The following NCOA2 variants were observed in gnomAD, a reference collection of about 807,000 sequenced individuals.
NCOA2 encodes the protein nuclear receptor coactivator 2.
Under a neutral mutation model 145.1 loss-of-function variants are expected in NCOA2, and 21 were observed. That is an observed-to-expected ratio of 0.14 (90% confidence interval 0.10 to 0.21). The LOEUF (loss-of-function observed/expected upper bound fraction) is 0.21. NCOA2 is among the 10% of genes least tolerant of loss of function. The pLI, the probability that NCOA2 is intolerant of heterozygous loss-of-function variation, is 1.00. For missense variants in NCOA2, 1,472 were observed against 1,837.6 expected, an observed-to-expected ratio of 0.80 and a Z score of 3.64; for synonymous variants, 619 against 637.5, an observed-to-expected ratio of 0.97 and a Z score of 0.44.
At chr8:70,404,222 C>T (rs1814652094), upstream of NCOA2, among the ~76,000 whole-genome samples, 1 of 152,176 alleles carries the variant, frequency 6.6e-6, no homozygotes, top group South Asian at 2.1e-4. Flanking sequence ...GTGACTGGAA[C>T]TGAAGAGAGA....
At chr8:70,388,075 C>A (rs978420386) in intron 1 of NCOA2, among the ~76,000 whole-genome samples, 1 of 152,178 alleles carries the variant, frequency 6.6e-6, no homozygotes, top group Non-Finnish European at 1.5e-5. Flanking sequence ...TGAGCCACAA[C>A]ATTTGTGAGC....
chr8:70,212,618 C>T (rs1203278000), intron 4 of NCOA2, among the ~76,000 whole-genome samples: 5 of 152,158 alleles, frequency 3.3e-5, no homozygotes, highest in Admixed American at 6.5e-5. Flanking sequence ...AAATGGAAAA[C>T]GCTAAGATGA....
At chr8:70,121,266 A>T in intron 22 of NCOA2, 36 bp downstream of exon 22, 1 of 1,531,074 alleles carries the variant, frequency 6.5e-7, no homozygotes, top group Non-Finnish European at 9.0e-7. Flanking sequence ...TGTTTGCTTT[A>T]CTTCCATATT....
chr8:70,168,559 G>A (rs944354568), intron 6 of NCOA2, among the ~76,000 whole-genome samples: 27 of 152,288 alleles, frequency 1.8e-4, no homozygotes, highest in Non-Finnish European at 3.2e-4. Context: ...GACCTCAAGC[G>A]ATCCACCAGC....
At chr8:70,211,594 G>A (rs1220894763) in intron 4 of NCOA2, among the ~76,000 whole-genome samples, 6 of 152,142 alleles carry the variant, frequency 3.9e-5, no homozygotes, top group Non-Finnish European at 4.4e-5. Context: ...CCTAGGTATT[G>A]TTAGCACTAA....
At chr8:70,315,812 A>G (rs1202179567) in intron 1 of NCOA2, among the ~76,000 whole-genome samples, 1 of 152,196 alleles carries the variant, frequency 6.6e-6, no homozygotes, top group Non-Finnish European at 1.5e-5. Flanking sequence ...CCACAACCTA[A>G]TGCTTTCAAA....
At chr8:70,335,587 C>T (rs1448898956) in intron 1 of NCOA2, among the ~76,000 whole-genome samples, 1 of 152,186 alleles carries the variant, frequency 6.6e-6, no homozygotes, top group Non-Finnish European at 1.5e-5. Context: ...AATTAAACAA[C>T]TCTCATTCCT....
intron 1 of NCOA2, among the ~76,000 whole-genome samples, chr8:70,384,349 T>C (rs1389807844): frequency 6.6e-6 from 1 of 152,092 alleles, no homozygotes; most frequent in Non-Finnish European, 1.5e-5. Flanking sequence ...GAGAAAATTA[T>C]TGTATATTAA....
intron 2 of NCOA2, among the ~76,000 whole-genome samples, chr8:70,266,941 T>C (rs1824650368): frequency 6.6e-6 from 1 of 152,258 alleles, no homozygotes; most frequent in African/African-American, 2.4e-5. Flanking sequence ...AATAACGTAG[T>C]ACTTTGTGTT....
chr8:70,278,852 G>C (rs1423854466), intron 2 of NCOA2, among the ~76,000 whole-genome samples: 2 of 151,794 alleles, frequency 1.3e-5, no homozygotes, highest in Non-Finnish European at 1.5e-5. Flanking sequence ...TGTAATCCCA[G>C]CTACAAGGTA....
At chr8:70,117,218 C>A (rs146703160) in intron 22 of NCOA2, among the ~76,000 whole-genome samples, 1 of 152,274 alleles carries the variant, frequency 6.6e-6, no homozygotes, top group Non-Finnish European at 1.5e-5. Context: ...CCTAAACCCC[C>A]AGCCGGGCAC....
At chr8:70,229,458 C>T (rs1342493848) in intron 2 of NCOA2, among the ~76,000 whole-genome samples, 1 of 152,100 alleles carries the variant, frequency 6.6e-6, no homozygotes, top group Non-Finnish European at 1.5e-5. Flanking sequence ...GTATAATTTT[C>T]CAAAGTGAAG....
chr8:70,259,573 T>C (rs1034403466), intron 2 of NCOA2, among the ~76,000 whole-genome samples: 1 of 152,222 alleles, frequency 6.6e-6, no homozygotes, highest in Non-Finnish European at 1.5e-5. Flanking sequence ...CTAAAAGACA[T>C]GGAAGAGAAA....
At chr8:70,165,780 C>G (rs3793365) in intron 7 of NCOA2, among the ~76,000 whole-genome samples, 11,427 of 152,214 alleles carry the variant, frequency 0.075, 537 homozygotes, top group East Asian at 0.12. Context: ...CCATTAACCC[C>G]TTGAAAGTAT....
At chr8:70,298,621 C>T (rs1201713306) in intron 1 of NCOA2, among the ~76,000 whole-genome samples, 3 of 152,116 alleles carry the variant, frequency 2.0e-5, no homozygotes, top group Middle Eastern at 3.2e-3. Flanking sequence ...TGCTCAAGGA[C>T]ATCATATTAT....
intron 2 of NCOA2, among the ~76,000 whole-genome samples, chr8:70,233,096 C>T (rs1821286816): frequency 3.4e-5 from 1 of 29,586 alleles, no homozygotes; most frequent in Non-Finnish European, 7.4e-5. Flanking sequence ...ATGGTGGTGT[C>T]CGCCTGTACT....
At chr8:70,337,481 TA>T (rs1180334143) in intron 1 of NCOA2, among the ~76,000 whole-genome samples, 1 of 152,160 alleles carries the variant, frequency 6.6e-6, no homozygotes, top group East Asian at 1.9e-4. Flanking sequence ...ATCCTATACA[TA>T]ATAGCTGTGG....
chr8:70,213,768 C>T (rs1238067930), intron 4 of NCOA2, 135 bp downstream of exon 4: 1 of 762,194 alleles, frequency 1.3e-6, no homozygotes, highest in Non-Finnish European at 2.1e-6. Context: ...TTGCATTCAT[C>T]TTACACTGTG....
At chr8:70,164,705 T>C (rs116512577) in intron 7 of NCOA2, among the ~76,000 whole-genome samples, 1,793 of 152,216 alleles carry the variant, frequency 0.012, 50 homozygotes, top group African/African-American at 0.041. Flanking sequence ...TAAAACTGTT[T>C]CATGTATTAT....
Sources: allele counts gnomAD v4.1 joint callset (sites outside exome capture counted in the v4.1 genomes callset), GRCh38; gene constraint gnomAD v4.1.1; transcripts MANE v1.5; gene names NCBI Gene and HGNC (gene_info 2026-07-23, HGNC 2026-07-21).